The following CALN1 variants were observed in gnomAD, a reference collection of about 807,000 sequenced individuals.
The protein encoded by CALN1 is calneuron 1, also known as calcium-binding protein 8.
Under a neutral mutation model 30.6 loss-of-function variants are expected in CALN1, and 17 were observed. The ratio of observed to expected loss-of-function variants is 0.56; its 90% confidence interval spans 0.38 to 0.83. The LOEUF is 0.83. Among genes scored for constraint, CALN1 ranks in the 40% least tolerant of loss-of-function variants. The pLI, the probability that CALN1 is intolerant of heterozygous loss-of-function variation, is 0.00. For synonymous variants in CALN1, 156 were observed against 131.4 expected (o/e 1.19, Z -1.28); for missense variants, 291 against 354.9 (o/e 0.82, Z 1.45).
chr7:72,374,688 C>A (rs1353889114), intron 2 of CALN1, among the ~76,000 whole-genome samples: 3 of 152,250 alleles, frequency 2.0e-5, no homozygotes, highest in African/African-American at 7.2e-5. Flanking sequence ...CCCCTAAGAT[C>A]AGGAACAAGG....
At chr7:72,049,356 G>A (rs370693229) in intron 4 of CALN1, among the ~76,000 whole-genome samples, 5 of 152,182 alleles carry the variant, frequency 3.3e-5, no homozygotes, top group Admixed American at 6.5e-5. Flanking sequence ...GTATAGTAAT[G>A]AGACATTTTT....
chr7:72,458,729 T>G, the CALN1 span, among the ~76,000 whole-genome samples: 1 of 98,076 alleles, frequency 1.0e-5, no homozygotes, highest in Non-Finnish European at 1.8e-5. Flanking sequence ...TTATAATATA[T>G]TCTATATTAT....
chr7:72,303,417 C>T (rs574889693), intron 2 of CALN1, among the ~76,000 whole-genome samples: 2 of 152,066 alleles, frequency 1.3e-5, no homozygotes, highest in Admixed American at 1.3e-4. Context: ...ACAAGCCAGG[C>T]GTGGTGGGGC....
At chr7:72,457,004 C>CTTTTTTTTTTTTTTTTTTTTTTTT in the CALN1 span, among the ~76,000 whole-genome samples, 1 of 106,600 alleles carries the variant, frequency 9.4e-6, no homozygotes, top group Non-Finnish European at 1.8e-5. Flanking sequence ...TTCTTTCTTT[C>CTTTTTTTTTTTTTTTTTTTTTTTT]TTTTTTTTTT....
chr7:71,886,728 G>A (rs554468734), intron 5 of CALN1, among the ~76,000 whole-genome samples: 2 of 145,500 alleles, frequency 1.4e-5, no homozygotes, highest in East Asian at 4.0e-4. Flanking sequence ...AGCAGAGATC[G>A]CACCACTGCA....
chr7:72,314,694 C>T (rs974457235), intron 2 of CALN1, among the ~76,000 whole-genome samples: 4 of 151,700 alleles, frequency 2.6e-5, no homozygotes, highest in South Asian at 2.1e-4. Context: ...GGATTACAGG[C>T]GTGAGCCACC....
At chr7:71,933,032 C>A (rs1795641507) in intron 5 of CALN1, among the ~76,000 whole-genome samples, 1 of 151,884 alleles carries the variant, frequency 6.6e-6, no homozygotes, top group African/African-American at 2.4e-5. Flanking sequence ...GAAAAGCAGC[C>A]CCCAAATCAT....
chr7:72,347,240 T>C (rs1299544595), intron 2 of CALN1, among the ~76,000 whole-genome samples: 2 of 151,524 alleles, frequency 1.3e-5, no homozygotes, highest in Non-Finnish European at 2.9e-5. Flanking sequence ...TTTTTTCTTT[T>C]TTTTTTTCCT....
chr7:71,813,657 C>T (rs1414095582), intron 5 of CALN1, among the ~76,000 whole-genome samples: 1 of 152,014 alleles, frequency 6.6e-6, no homozygotes, highest in Non-Finnish European at 1.5e-5. Flanking sequence ...GGGCCGGGCG[C>T]GGTGGCTCAC....
intron 5 of CALN1, among the ~76,000 whole-genome samples, chr7:71,825,331 C>T (rs1403509101): frequency 6.6e-6 from 1 of 152,178 alleles, no homozygotes; most frequent in African/African-American, 2.4e-5. Flanking sequence ...TTCCCCCATA[C>T]TGTTCTCGTG....
chr7:72,494,913 T>C, the CALN1 span, among the ~76,000 whole-genome samples: 21 of 151,900 alleles, frequency 1.4e-4, no homozygotes, highest in Non-Finnish European at 1.6e-4. Flanking sequence ...CTCCATATGG[T>C]CCTCCCCAAG....
intron 4 of CALN1, among the ~76,000 whole-genome samples, chr7:72,100,776 C>T (rs552615302): frequency 8.1e-4 from 115 of 141,760 alleles, no homozygotes; most frequent in African/African-American, 2.5e-3. Context: ...GCCAAGATCG[C>T]GCCACTGCAC....
At chr7:72,222,270 T>C (rs1175736143) in intron 3 of CALN1, among the ~76,000 whole-genome samples, 1 of 151,686 alleles carries the variant, frequency 6.6e-6, no homozygotes, top group Non-Finnish European at 1.5e-5. Context: ...GGAAAGAAGG[T>C]TTAATTGGCT....
chr7:72,024,185 T>C lies in CALN1; in HGVS notation c.389-416A>G, dbSNP rs147140636. 6.9e-3 allele frequency among the ~76,000 whole-genome samples: 1,047 copies of C among 152,284 alleles called. 17 individuals carry two copies. Among genetic ancestry groups the C allele is most frequent in the African/African-American group, 0.024 (988 of 41,560 alleles). ...AGCCTTCTTGATTTCACCTCTTAAG[T>C]ATCTGTGGTTGCTGTATCTTCCTCA... is the stretch of plus-strand genomic sequence containing the variant. On this transcript the variant is annotated intron_variant, in intron 4 of 6. Transcript: ENST00000395275.
intron 3 of CALN1, among the ~76,000 whole-genome samples, chr7:72,210,593 G>C (rs1052420605): frequency 3.9e-5 from 6 of 151,976 alleles, no homozygotes; most frequent in Non-Finnish European, 7.4e-5. Flanking sequence ...TTATTCACAA[G>C]GAGGTAGGAA....
intron 2 of CALN1, among the ~76,000 whole-genome samples, chr7:72,357,824 ATATTTT>A (rs1803324987): frequency 2.7e-5 from 4 of 146,988 alleles, no homozygotes; most frequent in African/African-American, 1.0e-4. Context: ...ATATTTATAT[ATATTTT>A]TATATATTTA....
chr7:71,903,819 C>A (rs189391287), intron 5 of CALN1, among the ~76,000 whole-genome samples: 7 of 152,102 alleles, frequency 4.6e-5, no homozygotes, highest in Non-Finnish European at 1.0e-4. Context: ...GGGTTAATAT[C>A]CCAAAACATA....
chr7:72,322,353 T>C (rs571598192), intron 2 of CALN1, among the ~76,000 whole-genome samples: 3 of 152,188 alleles, frequency 2.0e-5, no homozygotes, highest in Admixed American at 1.3e-4. Flanking sequence ...TGGCTGTAAA[T>C]ACAGAAGCAG....
chr7:72,253,845 A>G (rs766394144), intron 3 of CALN1, among the ~76,000 whole-genome samples: 1 of 152,126 alleles, frequency 6.6e-6, no homozygotes, highest in Non-Finnish European at 1.5e-5. Context: ...GGTTCAAGCA[A>G]TTCTCCTGCC....
Sources: gnomAD v4.1 joint callset for allele counts (sites outside exome capture counted in the v4.1 genomes callset) on GRCh38, gnomAD v4.1.1 for gene constraint, MANE v1.5 for transcripts, NCBI Gene and HGNC (gene_info 2026-07-23, HGNC 2026-07-21) for gene names.